CAMK2D: variants seen among roughly 807,000 people sequenced by gnomAD.
The protein encoded by CAMK2D is calcium/calmodulin-dependent protein kinase type II subunit delta.
CAMK2D carries 37 observed loss-of-function variants against 84.0 expected under a neutral mutation model. The ratio of observed to expected loss-of-function variants is 0.44; its 90% CI spans 0.34 to 0.58. The LOEUF is 0.58. Ranked by LOEUF, CAMK2D falls within the 20% of genes least tolerant of loss-of-function variation. CAMK2D has a pLI of 0.02. For synonymous variants in CAMK2D, 202 were observed against 212.5 expected (o/e 0.95, Z 0.43); for missense variants, 448 against 652.5 (o/e 0.69, Z 3.41).
At chr4:113,510,755 T>G (rs957395607) in intron 12 of CAMK2D, among the ~76,000 whole-genome samples, 2 of 152,174 alleles carry the variant, frequency 1.3e-5, no homozygotes, top group African/African-American at 4.8e-5. Context: ...TGCATGAACA[T>G]GTAATTTCCT....
chr4:113,726,387 T>C (rs1049514720), intron 2 of CAMK2D, among the ~76,000 whole-genome samples: 1 of 144,002 alleles, frequency 6.9e-6, no homozygotes, highest in Non-Finnish European at 1.5e-5. Flanking sequence ...TTTTTTTTTT[T>C]TTTTTTTTTT....
At chr4:113,749,767 C>T (rs2099613039) in intron 2 of CAMK2D, among the ~76,000 whole-genome samples, 1 of 152,082 alleles carries the variant, frequency 6.6e-6, no homozygotes, top group African/African-American at 2.4e-5. Context: ...CAAGTAGTTG[C>T]TCAAAAAGAA....
chr4:113,737,900 G>A (rs545582888), intron 2 of CAMK2D, among the ~76,000 whole-genome samples: 1 of 151,484 alleles, frequency 6.6e-6, no homozygotes, highest in Admixed American at 6.6e-5. Context: ...CTCTCATCTG[G>A]GTCAATGAAT....
At chr4:113,510,010 A>AGTT (rs753150568) in intron 12 of CAMK2D, among the ~76,000 whole-genome samples, 7 of 152,236 alleles carry the variant, frequency 4.6e-5, no homozygotes, top group Non-Finnish European at 1.0e-4. Context: ...TAATCCAGAA[A>AGTT]GTTGAATTCA....
In CAMK2D at chr4:113,452,574, C is replaced by T. The variant is rs1182353964; in HGVS notation, c.*1971G>A. 1.3e-5 allele frequency: 2 copies of T among 152,532 alleles called. No homozygotes were observed. Among genetic ancestry groups the T allele is most frequent in the Admixed American group, 6.6e-5 (1 of 15,264 alleles). The allele number at this position is 152,532 out of a possible 1,614,324, so 9.4% of individuals were successfully genotyped here. On this transcript the variant is annotated 3_prime_UTR_variant, in exon 21 of 21. Coordinates refer to ENST00000511664, the MANE Select transcript of CAMK2D (RefSeq NM_001321571.2). ...CATTTGTGGTGGAGAGAACAAATCACAATTTCCTCACATCTTAGTGCGGAA... is the reference window on the plus strand; with the variant it reads ...CATTTGTGGTGGAGAGAACAAATCATAATTTCCTCACATCTTAGTGCGGAA...
intron 16 of CAMK2D, among the ~76,000 whole-genome samples, chr4:113,483,689 A>G (rs2097730606): frequency 2.0e-5 from 3 of 152,044 alleles, no homozygotes; most frequent in Admixed American, 1.3e-4. Flanking sequence ...TATAGGTGTG[A>G]GCCACCGTGC....
At chr4:113,579,131 T>C (rs1249411928) in intron 4 of CAMK2D, among the ~76,000 whole-genome samples, 1 of 152,200 alleles carries the variant, frequency 6.6e-6, no homozygotes, top group Non-Finnish European at 1.5e-5. Flanking sequence ...GTTTAAAAAC[T>C]ATATTCCACT....
At chr4:113,632,317 G>A (rs2099093030) in intron 3 of CAMK2D, among the ~76,000 whole-genome samples, 1 of 152,040 alleles carries the variant, frequency 6.6e-6, no homozygotes, top group South Asian at 2.1e-4. Flanking sequence ...TCTGTCTCCT[G>A]GGTTTAAGCG....
intron 16 of CAMK2D, among the ~76,000 whole-genome samples, chr4:113,472,134 T>G (rs1321739018): frequency 6.6e-6 from 1 of 152,236 alleles, no homozygotes. Flanking sequence ...TTGATCTTAC[T>G]GCATTATCAC....
At chr4:113,661,048 GC>G (rs1274759983) in intron 3 of CAMK2D, among the ~76,000 whole-genome samples, 1 of 150,072 alleles carries the variant, frequency 6.7e-6, no homozygotes, top group Admixed American at 6.6e-5. Flanking sequence ...ACCCGCCTCG[GC>G]CTCCCAAAGT....
intron 2 of CAMK2D, among the ~76,000 whole-genome samples, chr4:113,743,773 C>G (rs2099598303): frequency 6.6e-6 from 1 of 152,118 alleles, no homozygotes; most frequent in South Asian, 2.1e-4. Flanking sequence ...TATTTATCCC[C>G]AAAGTTAATT....
intron 8 of CAMK2D, among the ~76,000 whole-genome samples, chr4:113,519,903 A>G (rs2098334403): frequency 6.6e-6 from 1 of 152,174 alleles, no homozygotes; most frequent in African/African-American, 2.4e-5. Context: ...GGACAGACAT[A>G]ATGATGCTCT....
chr4:113,600,506 A>G (rs1283275271), intron 4 of CAMK2D, among the ~76,000 whole-genome samples: 3 of 152,198 alleles, frequency 2.0e-5, no homozygotes, highest in Admixed American at 6.5e-5. Context: ...AGAATTGTCA[A>G]AGTTTCAAAA....
intron 3 of CAMK2D, among the ~76,000 whole-genome samples, chr4:113,613,910 G>C (rs2099011181): frequency 1.3e-5 from 2 of 152,202 alleles, no homozygotes; most frequent in South Asian, 4.1e-4. Flanking sequence ...GAGAGAGAGA[G>C]AGGAAGTGGA....
intron 2 of CAMK2D, among the ~76,000 whole-genome samples, chr4:113,695,877 C>G (rs1033458138): frequency 6.6e-6 from 1 of 152,106 alleles, no homozygotes; most frequent in Admixed American, 6.6e-5. Flanking sequence ...TGATACAGCT[C>G]TTGCTATGAT....
chr4:113,518,389 C>A (rs1324534643), intron 8 of CAMK2D, among the ~76,000 whole-genome samples: 2 of 151,994 alleles, frequency 1.3e-5, no homozygotes, highest in Non-Finnish European at 2.9e-5. Context: ...TATAAATTAA[C>A]CAAAATCTAA....
At chr4:113,657,533 T>C (rs1183449896) in intron 3 of CAMK2D, among the ~76,000 whole-genome samples, 2 of 152,048 alleles carry the variant, frequency 1.3e-5, no homozygotes, top group South Asian at 2.1e-4. Flanking sequence ...TATAAGATTA[T>C]AAAAAGGCAA....
At chr4:113,663,925 G>A (rs1464948121) in intron 2 of CAMK2D, among the ~76,000 whole-genome samples, 1 of 152,140 alleles carries the variant, frequency 6.6e-6, no homozygotes, top group Non-Finnish European at 1.5e-5. Flanking sequence ...GAATGTGACT[G>A]TATTTGGAGA....
intron 2 of CAMK2D, among the ~76,000 whole-genome samples, chr4:113,749,769 C>CA (rs1288768607): frequency 2.6e-5 from 4 of 152,080 alleles, no homozygotes; most frequent in South Asian, 4.2e-4. Flanking sequence ...AGTAGTTGCT[C>CA]AAAAAGAAAA....
Sources: allele counts gnomAD v4.1 joint callset (sites outside exome capture counted in the v4.1 genomes callset), GRCh38; gene constraint gnomAD v4.1.1; transcripts MANE v1.5; gene names NCBI Gene and HGNC (gene_info 2026-07-23, HGNC 2026-07-21).